Variants in FHIT observed in about 807,000 individuals in gnomAD.
FHIT encodes the protein fragile histidine triad diadenosine triphosphatase, also known as bis(5'-adenosyl)-triphosphatase.
Under a neutral mutation model 17.9 loss-of-function variants are expected in FHIT, and 19 were observed. The ratio of observed to expected loss-of-function variants is 1.06; its 90% CI spans 0.74 to 1.56. The LOEUF is 1.56. FHIT is among the 40% of genes most tolerant of loss of function. The pLI, the probability that FHIT is intolerant of heterozygous loss-of-function variation, is 0.00. For missense variants in FHIT, 248 were observed against 189.2 expected, an observed-to-expected ratio of 1.31 and a Z score of -1.82; for synonymous variants, 81 against 69.7, an observed-to-expected ratio of 1.16 and a Z score of -0.81.
At chr3:60,325,512 G>A (rs1709651211) in intron 5 of FHIT, among the ~76,000 whole-genome samples, 1 of 152,078 alleles carries the variant, frequency 6.6e-6, no homozygotes. Flanking sequence ...AAGCTACAGA[G>A]CAATAATCTA....
At chr3:60,044,850 A>C (rs1701584978) in intron 5 of FHIT, among the ~76,000 whole-genome samples, 1 of 152,244 alleles carries the variant, frequency 6.6e-6, no homozygotes, top group Admixed American at 6.5e-5. Context: ...GAGACACTGG[A>C]AAGTGTCCCC....
intron 8 of FHIT, among the ~76,000 whole-genome samples, chr3:59,881,068 T>C (rs923066415): frequency 1.2e-4 from 19 of 152,174 alleles, no homozygotes; most frequent in African/African-American, 3.4e-4. Flanking sequence ...GCAACAAACA[T>C]GTTTGATGTA....
chr3:60,463,800 T>A (rs1477797453), intron 5 of FHIT, among the ~76,000 whole-genome samples: 1 of 152,186 alleles, frequency 6.6e-6, no homozygotes, highest in Admixed American at 6.5e-5. Flanking sequence ...TTATGTAAAA[T>A]GGAGACAATC....
chr3:60,600,589 C>A (rs2682966), intron 4 of FHIT, among the ~76,000 whole-genome samples: 88,650 of 152,016 alleles, frequency 0.58, 26,426 homozygotes, highest in Middle Eastern at 0.67. Context: ...GATTCTGATA[C>A]GTCAGCCCCA....
chr3:60,794,373 A>AATGGATGCATGG (rs375333016), intron 4 of FHIT, among the ~76,000 whole-genome samples: 3 of 149,506 alleles, frequency 2.0e-5, no homozygotes, highest in African/African-American at 7.4e-5. Context: ...GGGAAGGAAA[A>AATGGATGCATGG]ATGGATGGAT....
chr3:60,861,553 G>A (rs1210733409), intron 3 of FHIT, among the ~76,000 whole-genome samples: 1 of 151,708 alleles, frequency 6.6e-6, no homozygotes, highest in East Asian at 1.9e-4. Context: ...TTGAGAACCA[G>A]CAGCCCACAC....
At chr3:60,570,420 A>C (rs919438978) in intron 4 of FHIT, among the ~76,000 whole-genome samples, 6 of 152,146 alleles carry the variant, frequency 3.9e-5, no homozygotes, top group Admixed American at 3.9e-4. Flanking sequence ...AGTATGTATA[A>C]GTTGGGAATA....
intron 3 of FHIT, among the ~76,000 whole-genome samples, chr3:60,974,722 T>C (rs1710164050): frequency 6.6e-6 from 1 of 152,166 alleles, no homozygotes; most frequent in African/African-American, 2.4e-5. Flanking sequence ...AAAGACGCAG[T>C]AGCATTAGGA....
At chr3:61,021,745 G>A (rs571573607) in intron 3 of FHIT, among the ~76,000 whole-genome samples, 1 of 152,178 alleles carries the variant, frequency 6.6e-6, no homozygotes, top group East Asian at 1.9e-4. Flanking sequence ...CTGAATGACT[G>A]CTGGTTAAAT....
intron 5 of FHIT, among the ~76,000 whole-genome samples, chr3:60,377,085 G>A (rs1700593564): frequency 6.6e-6 from 1 of 152,122 alleles, no homozygotes; most frequent in Non-Finnish European, 1.5e-5. Context: ...AAATACACAG[G>A]TGACTGAAAT....
At chr3:60,428,896 C>T (rs760722343) in intron 5 of FHIT, among the ~76,000 whole-genome samples, 1 of 152,050 alleles carries the variant, frequency 6.6e-6, no homozygotes, top group Admixed American at 6.6e-5. Flanking sequence ...GAATGGGATT[C>T]TTTTGAACAA....
intron 3 of FHIT, among the ~76,000 whole-genome samples, chr3:60,887,273 A>T (rs1013010082): frequency 3.9e-5 from 6 of 152,052 alleles, no homozygotes; most frequent in African/African-American, 1.4e-4. Context: ...TTCTGTTAGG[A>T]CTTTTGTTTT....
intron 8 of FHIT, among the ~76,000 whole-genome samples, chr3:59,913,373 T>C (rs1704976830): frequency 6.6e-6 from 1 of 152,148 alleles, no homozygotes; most frequent in African/African-American, 2.4e-5. Flanking sequence ...CAAAGGGTGA[T>C]AGAAACAGGG....
At chr3:61,209,012 G>C (rs1019298446) in intron 1 of FHIT, among the ~76,000 whole-genome samples, 1 of 151,908 alleles carries the variant, frequency 6.6e-6, no homozygotes, top group Non-Finnish European at 1.5e-5. Context: ...GGCTGGCCTG[G>C]TGGTGAGAAA....
chr3:60,086,269 T>G (rs1186758704), intron 5 of FHIT, among the ~76,000 whole-genome samples: 1 of 152,160 alleles, frequency 6.6e-6, no homozygotes, highest in Non-Finnish European at 1.5e-5. Context: ...TCTGCCCTCC[T>G]GACCCAAACA....
At chr3:59,758,884 G>A (rs150060678) in intron 8 of FHIT, among the ~76,000 whole-genome samples, 359 of 152,136 alleles carry the variant, frequency 2.4e-3, no homozygotes, top group African/African-American at 8.4e-3. Flanking sequence ...GTGATGCATT[G>A]GCCTTTAATG....
intron 5 of FHIT, among the ~76,000 whole-genome samples, chr3:60,103,922 A>C (rs1389443886): frequency 6.6e-6 from 1 of 152,154 alleles, no homozygotes; most frequent in Non-Finnish European, 1.5e-5. Flanking sequence ...TCACTTTCTG[A>C]GTTAGAAAGC....
chr3:60,716,032 C>A (rs2041674753), intron 4 of FHIT, among the ~76,000 whole-genome samples: 1 of 152,056 alleles, frequency 6.6e-6, no homozygotes, highest in Non-Finnish European at 1.5e-5. Context: ...AGGCGGATCA[C>A]CTGAGGTCAG....
intron 5 of FHIT, among the ~76,000 whole-genome samples, chr3:60,511,379 A>T (rs1486807215): frequency 6.6e-6 from 1 of 152,080 alleles, no homozygotes; most frequent in Non-Finnish European, 1.5e-5. Flanking sequence ...ACATCGCTTT[A>T]TGTGTTTTAA....
Sources: gnomAD v4.1 joint callset for allele counts (sites outside exome capture counted in the v4.1 genomes callset) on GRCh38, gnomAD v4.1.1 for gene constraint, MANE v1.5 for transcripts, NCBI Gene and HGNC (gene_info 2026-07-23, HGNC 2026-07-21) for gene names.